SPTBN5: variants seen among roughly 807,000 people sequenced by gnomAD.
SPTBN5 encodes the protein spectrin beta, non-erythrocytic 5.
In SPTBN5, 513 loss-of-function variants were observed where a neutral mutation model predicts 477.6. The observed-to-expected ratio is 1.07, with a 90% confidence interval of 1.00 to 1.16. The LOEUF (loss-of-function observed/expected upper bound fraction) is 1.16, where lower values mean the gene tolerates loss of function less well. SPTBN5 is among the 50% of genes most tolerant of loss of function. The probability of loss-of-function intolerance (pLI) is 0.00; values close to 1 mark genes in which losing one functional copy is unlikely to be tolerated. For missense variants in SPTBN5, 5,062 were observed against 4,731.8 expected, an observed-to-expected ratio of 1.07 and a Z score of -2.05; for synonymous variants, 2,169 against 2,011.7, an observed-to-expected ratio of 1.08 and a Z score of -2.09.
intron 24 of SPTBN5, 89 bp from the exon 25 acceptor site, chr15:41,874,134 G>A: frequency 6.6e-7 from 1 of 1,514,292 alleles, no homozygotes; most frequent in African/African-American, 1.4e-5. Context: ...CCCAATCATG[G>A]CAAGACCCCC....
chr15:41,855,151 AC>A, intron 55 of SPTBN5, 72 bp downstream of exon 55: 1 of 1,520,422 alleles, frequency 6.6e-7, no homozygotes, highest in Non-Finnish European at 8.9e-7. Context: ...CTCCCCAGCA[AC>A]CCTTTCATCC....
chr15:41,873,774 G>T, intron 25 of SPTBN5, 71 bp downstream of exon 25: 1 of 1,579,652 alleles, frequency 6.3e-7, no homozygotes, highest in Non-Finnish European at 8.6e-7. Context: ...CTCCCTGAGA[G>T]TCCCACAGGT....
In SPTBN5 at chr15:41,876,800, C is replaced by T. The variant is rs749384232; in HGVS notation, c.3851+9G>A. The T allele has an allele frequency of 1.2e-6, 2 of 1,609,828 alleles. No individual in the cohort carries two copies. Among genetic ancestry groups the T allele is most frequent in the Non-Finnish European group, 1.7e-6 (2 of 1,179,746 alleles). ...ATCTGCAGGTGCTGCAGACTGAGGC[C>T]AGGCTCACGTGTGTGCAGCTGGGTG... On this transcript the variant is annotated intron_variant, in intron 19 of 67. Transcript: ENST00000320955.
In SPTBN5 at chr15:41,852,682, C is replaced by T; in HGVS notation, c.10401G>A (p.Lys3467=). The T allele has an allele frequency of 1.2e-6, 2 of 1,612,970 alleles. No homozygotes were observed. Among genetic ancestry groups the T allele is most frequent in the Non-Finnish European group, 1.7e-6 (2 of 1,179,596 alleles). The part of the protein sequence containing the change: ...LLLHRHQDLE[K]LLAAQEEKFA... ...ACTTCTCTTCCTGGGCTGCCAGCAG[C>T]TTTTCTAAGTCCTGGTGTCTGTGCA... Residue 3467 remains lysine (K), a synonymous_variant, in exon 61 of 68, where the codon AAG becomes AAA. Coordinates refer to ENST00000320955, the MANE Select transcript of SPTBN5 (RefSeq NM_016642.4).
chr15:41,870,115 C>G (rs2066482070), intron 31 of SPTBN5, 95 bp from the exon 32 acceptor site: 1 of 1,446,108 alleles, frequency 6.9e-7, no homozygotes, highest in African/African-American at 1.4e-5. Flanking sequence ...CCCCCTTGGG[C>G]CACGTCCTGC....
Position 41,852,694 on chromosome 15 carries a change from C to T in SPTBN5, c.10389G>A (p.Gln3463=), listed in dbSNP as rs764915733. The stretch of plus-strand genomic sequence containing the variant: ...GGGCTGCCAGCAGCTTTTCTAAGTC[C>T]TGGTGTCTGTGCAGCAGCAACTCCA... ...SDVELLLHRH[Q]DLEKLLAAQE... Residue 3463 remains glutamine (Q), a synonymous_variant, in exon 61 of 68, where the codon CAG becomes CAA. Coordinates refer to ENST00000320955, the MANE Select transcript of SPTBN5 (RefSeq NM_016642.4). 1.2e-6 allele frequency: 2 copies of T among 1,613,132 alleles called. No individual in the cohort carries two copies. Among genetic ancestry groups the T allele is most frequent in the Non-Finnish European group, 1.7e-6 (2 of 1,179,670 alleles).
chr15:41,887,510 A>T, intron 5 of SPTBN5, 69 bp from the exon 6 acceptor site: 1 of 1,207,592 alleles, frequency 8.3e-7, no homozygotes. Flanking sequence ...AGATTCTTAA[A>T]TGCACTCATG....
chr15:41,871,593 C>A, intron 28 of SPTBN5, 73 bp from the exon 29 acceptor site: 1 of 1,414,180 alleles, frequency 7.1e-7, no homozygotes, highest in Middle Eastern at 1.9e-4. Context: ...AATCGAGGCA[C>A]CTCAGTGCCC....
rs565093572 is a variant in SPTBN5 at position 41,861,619 on chromosome 15, G to A, written c.7737+116C>T. On this transcript the variant is annotated intron_variant, in intron 45 of 67. Transcript: ENST00000320955. ...CTGGAAGGCAGGAGTGCTGAGTGGT[G>A]GGGAAGTCCCTGGCACAGCAGCCCC... 3 of 1,502,970 alleles carry A rather than the reference G, an allele frequency of 2.0e-6. No individual in the cohort carries two copies. In the East Asian group the frequency reaches 7.0e-5, roughly 35 times the overall value. The allele number at this position is 1,502,970 out of a possible 1,614,324, so 93.1% of individuals were successfully genotyped here.
intron 63 of SPTBN5, among the ~76,000 whole-genome samples, 174 bp downstream of exon 63, chr15:41,851,605 G>A (rs1475226785): frequency 5.9e-5 from 9 of 151,296 alleles, no homozygotes; most frequent in Non-Finnish European, 7.4e-5. Flanking sequence ...AGGTGGGGGC[G>A]GTGGCAGGAG....
chr15:41,852,775 G>GGA lies in SPTBN5; in HGVS notation c.10348-41_10348-40insTC, dbSNP rs1555460274. 3 of 1,611,310 alleles carry GGA rather than the reference G, an allele frequency of 1.9e-6. No homozygotes were observed. The South Asian group carries it at 3.3e-5, about 18-fold the overall frequency. ...GTTCAGGTGACGCCCAGCTTGGGGG[G>GGA]GGGGGCCCAGAGCCTGGTAGCCAGC... On this transcript the variant is annotated intron_variant, in intron 60 of 67. Coordinates refer to ENST00000320955, the MANE Select transcript of SPTBN5 (RefSeq NM_016642.4).
At chr15:41,853,084 TG>T in intron 59 of SPTBN5, 84 bp from the exon 60 acceptor site, 2 of 1,444,736 alleles carry the variant, frequency 1.4e-6, no homozygotes, top group Non-Finnish European at 1.8e-6. Context: ...CAAGTGTTAA[TG>T]GAAGTGCAGA....
Position 41,851,046 on chromosome 15 carries a change from T to G in SPTBN5, c.10835+13A>C. On this transcript the variant is annotated intron_variant, in intron 65 of 67. Coordinates refer to ENST00000320955, the MANE Select transcript of SPTBN5 (RefSeq NM_016642.4). Reference sequence around the variant, plus strand: ...GCTGGGGGTGATGCCGGAGTCCATGTCTCTCCGCTCACCTTAAGGAGAATG... The same window carrying G: ...GCTGGGGGTGATGCCGGAGTCCATGGCTCTCCGCTCACCTTAAGGAGAATG... 2 of 1,609,100 alleles carry G rather than the reference T, an allele frequency of 1.2e-6. No homozygotes were observed. Among genetic ancestry groups the G allele is most frequent in the Non-Finnish European group, 1.7e-6 (2 of 1,178,138 alleles).
Position 41,853,622 on chromosome 15 carries a change from C to T in SPTBN5, c.9940G>A (p.Ala3314Thr). 2 of 1,590,786 alleles carry T rather than the reference C, an allele frequency of 1.3e-6. No homozygotes were observed. The highest frequency in any genetic ancestry group is 1.7e-6 in the Non-Finnish European group (2 of 1,169,256). ...QERGQWLAQA[A>T]QGHAFLGRCQ... ...CGCCCGAGGAAGGCATGGCCCTGTG[C>T]AGCCTGCGCCAGCCACTGGCCTCGC... Residue 3314 changes from alanine to threonine, a missense_variant, in exon 58 of 68, where the codon GCA becomes ACA. Transcript: ENST00000320955.
At chr15:41,860,560 AC>A (rs2066070859) in intron 47 of SPTBN5, 25 bp downstream of exon 47, 2 of 1,362,756 alleles carry the variant, frequency 1.5e-6, no homozygotes, top group Non-Finnish European at 1.9e-6. Context: ...TGCCCACAGC[AC>A]CCCTCACCCC....
chr15:41,882,225 T>TC, intron 11 of SPTBN5, 44 bp downstream of exon 11: 1 of 686,578 alleles, frequency 1.5e-6, no homozygotes, highest in Non-Finnish European at 2.0e-6. Flanking sequence ...CACCCCCGCC[T>TC]CGCCGGGCCC....
Position 41,867,026 on chromosome 15 carries a change from G to C in SPTBN5, c.6413C>G (p.Ala2138Gly). The change falls in exon 36 of 68, where the codon GCG (alanine) becomes GGG (glycine). Residue 2138 changes from alanine to glycine, a missense_variant. Ala to Gly is a moderately conservative substitution (Grantham distance 60, BLOSUM62 0). Transcript: ENST00000320955. ...ATGCAGGGCGTGTCCCCGGCTCTCC[G>C]CCAGCTCCTTCACTCTCATCCGGCG... Reference protein sequence around the residue: ...LQRRMRVKELAESRGHALHAS... With the variant: ...LQRRMRVKELGESRGHALHAS... 1.3e-6 allele frequency: 2 copies of C among 1,556,250 alleles called. No homozygotes were observed. The highest frequency in any genetic ancestry group is 1.2e-5 in the South Asian group (1 of 84,456).
intron 47 of SPTBN5, among the ~76,000 whole-genome samples, chr15:41,859,717 G>A (rs1335262051): frequency 6.6e-6 from 1 of 152,158 alleles, no homozygotes; most frequent in African/African-American, 2.4e-5. Context: ...CACCTAAGGT[G>A]ACTGGGGTAG....
rs1238778048 is a variant in SPTBN5 at position 41,863,901 on chromosome 15, G to T, written c.7034+8C>A. On this transcript the variant is annotated splice_region_variant and intron_variant, in intron 40 of 67. Coordinates refer to ENST00000320955, the MANE Select transcript of SPTBN5 (RefSeq NM_016642.4). ...CGGCCCTTTGGTTCTCCCCAGCCTG[G>T]GACTGGCCTGTTGTTGAGCTGGCTT... 1 of 1,613,734 alleles carries T rather than the reference G, an allele frequency of 6.2e-7. No homozygotes were observed.
Sources: allele counts gnomAD v4.1 joint callset (sites outside exome capture counted in the v4.1 genomes callset), GRCh38; gene constraint gnomAD v4.1.1; transcripts MANE v1.5; gene names NCBI Gene and HGNC (gene_info 2026-07-23, HGNC 2026-07-21).